The following SLC8A1 variants were observed in gnomAD, a reference collection of about 807,000 sequenced individuals.
SLC8A1 encodes sodium/calcium exchanger 1.
In SLC8A1, 18 loss-of-function variants were observed where a neutral mutation model predicts 68.3. That is an observed-to-expected ratio of 0.26 (90% CI 0.18 to 0.39). SLC8A1 has a LOEUF of 0.39. SLC8A1 is among the 10% of genes least tolerant of loss of function. SLC8A1 has a pLI of 1.00. For synonymous variants in SLC8A1, 475 were observed against 415.5 expected, an observed-to-expected ratio of 1.14 and a Z score of -1.74; for missense variants, 985 against 1,156.7, an observed-to-expected ratio of 0.85 and a Z score of 2.15.
intron 2 of SLC8A1, among the ~76,000 whole-genome samples, chr2:40,409,176 A>G (rs926266165): frequency 2.2e-4 from 34 of 152,188 alleles, no homozygotes; most frequent in African/African-American, 7.5e-4. Flanking sequence ...CAATAGTCAC[A>G]TCGGTACAGC....
At chr2:40,279,367 C>T (rs2067197454) in intron 2 of SLC8A1, among the ~76,000 whole-genome samples, 1 of 152,150 alleles carries the variant, frequency 6.6e-6, no homozygotes, top group African/African-American at 2.4e-5. Flanking sequence ...GCGATTTGTT[C>T]AAATGCTGCT....
chr2:40,455,846 T>G (rs1432590562), upstream of SLC8A1, among the ~76,000 whole-genome samples: 1 of 152,192 alleles, frequency 6.6e-6, no homozygotes, highest in African/African-American at 2.4e-5. Context: ...TTGTAAACCC[T>G]GCTACTGCAC....
At chr2:40,234,594 C>G (rs1244602051) in intron 2 of SLC8A1, among the ~76,000 whole-genome samples, 1 of 152,062 alleles carries the variant, frequency 6.6e-6, no homozygotes, top group Non-Finnish European at 1.5e-5. Context: ...CCTTTATTTC[C>G]TTCTCCTGCC....
chr2:40,214,110 C>A (rs527945608), intron 2 of SLC8A1, among the ~76,000 whole-genome samples: 1 of 152,360 alleles, frequency 6.6e-6, no homozygotes, highest in East Asian at 1.9e-4. Flanking sequence ...TCTGCCTCCA[C>A]ATTTGTTTCT....
chr2:40,152,886 C>T (rs113009944), intron 6 of SLC8A1, among the ~76,000 whole-genome samples: 4 of 152,058 alleles, frequency 2.6e-5, no homozygotes, highest in African/African-American at 7.2e-5. Flanking sequence ...CACTTGAGCC[C>T]AGGAGTTCAA....
chr2:40,319,421 T>C (rs1043670147), intron 2 of SLC8A1, among the ~76,000 whole-genome samples: 2 of 152,140 alleles, frequency 1.3e-5, no homozygotes, highest in Admixed American at 6.6e-5. Flanking sequence ...GAAGCATGGA[T>C]TTTTGCAGTT....
intron 2 of SLC8A1, among the ~76,000 whole-genome samples, chr2:40,421,957 C>T (rs778748468): frequency 2.0e-5 from 3 of 152,132 alleles, no homozygotes; most frequent in Non-Finnish European, 4.4e-5. Context: ...TTGTTAATTG[C>T]TGCTTTCCCT....
intron 2 of SLC8A1, among the ~76,000 whole-genome samples, chr2:40,222,658 A>G (rs968046169): frequency 6.6e-6 from 1 of 152,230 alleles, no homozygotes; most frequent in Admixed American, 6.5e-5. Flanking sequence ...TCTACAAAGA[A>G]CTTTAACAAA....
chr2:40,471,765 C>A (rs923765201), intron 1 of SLC8A1, among the ~76,000 whole-genome samples: 32 of 152,088 alleles, frequency 2.1e-4, no homozygotes, highest in African/African-American at 7.7e-4. Context: ...TTTGAAATTA[C>A]AAATAGTAAA....
chr2:40,222,884 A>T (rs1255672277), intron 2 of SLC8A1, among the ~76,000 whole-genome samples: 2 of 152,104 alleles, frequency 1.3e-5, no homozygotes, highest in African/African-American at 4.8e-5. Flanking sequence ...GCTAGAGAGG[A>T]TGTGAAGAAA....
intron 2 of SLC8A1, among the ~76,000 whole-genome samples, chr2:40,297,690 A>G (rs1575162682): frequency 1.3e-5 from 2 of 152,310 alleles, no homozygotes; most frequent in East Asian, 3.9e-4. Flanking sequence ...GCTGTTTACC[A>G]TACATAACTT....
intron 2 of SLC8A1, among the ~76,000 whole-genome samples, chr2:40,195,604 T>C (rs920876125): frequency 1.3e-5 from 2 of 152,092 alleles, no homozygotes; most frequent in African/African-American, 4.8e-5. Flanking sequence ...AAATAGTGTT[T>C]GCAAGGGTCC....
chr2:40,156,427 G>A (rs1348985125), intron 6 of SLC8A1, among the ~76,000 whole-genome samples: 2 of 147,608 alleles, frequency 1.4e-5, no homozygotes, highest in Admixed American at 7.1e-5. Context: ...TACTATGTCT[G>A]ATATGCAAAT....
chr2:40,311,562 A>G (rs1377804086), intron 2 of SLC8A1, among the ~76,000 whole-genome samples: 1 of 152,074 alleles, frequency 6.6e-6, no homozygotes, highest in Admixed American at 6.6e-5. Flanking sequence ...TGATGTCTTT[A>G]TATATCTTAC....
At chr2:40,114,536 G>C (rs2034992920) in exon 8 of SLC8A1, 1 of 152,686 alleles carries the variant, frequency 6.5e-6, no homozygotes. Flanking sequence ...TGGGAATCTA[G>C]GCACGTTTTC....
chr2:40,116,833 G>C (rs1380665361), intron 7 of SLC8A1: 1 of 152,120 alleles, frequency 6.6e-6, no homozygotes. Flanking sequence ...GAAAATCTTG[G>C]TCCACTACAG....
chr2:40,447,140 A>G (rs961438856), intron 1 of SLC8A1, among the ~76,000 whole-genome samples: 2 of 152,210 alleles, frequency 1.3e-5, no homozygotes, highest in Non-Finnish European at 2.9e-5. Flanking sequence ...GATCTATTAC[A>G]TGTACAAGAA....
At chr2:40,376,728 T>C (rs145996816) in intron 2 of SLC8A1, among the ~76,000 whole-genome samples, 2,545 of 152,200 alleles carry the variant, frequency 0.017, 45 homozygotes, top group South Asian at 0.062. Context: ...ATGCTTTGAC[T>C]CTGTGTACTA....
intron 6 of SLC8A1, among the ~76,000 whole-genome samples, chr2:40,149,926 G>T (rs1291976484): frequency 6.6e-6 from 1 of 151,934 alleles, no homozygotes; most frequent in African/African-American, 2.4e-5. Flanking sequence ...TTAAGGCGTT[G>T]GTTCTACAAC....
Sources: allele counts gnomAD v4.1 joint callset (sites outside exome capture counted in the v4.1 genomes callset), GRCh38; gene constraint gnomAD v4.1.1; transcripts MANE v1.5; gene names NCBI Gene and HGNC (gene_info 2026-07-23, HGNC 2026-07-21).